PRDM16: variants seen among roughly 807,000 people sequenced by gnomAD.
The protein encoded by PRDM16 is histone-lysine N-methyltransferase PRDM16.
A neutral mutation model predicts 110.6 loss-of-function variants in PRDM16; 23 were observed. That is an observed-to-expected ratio of 0.21 (90% CI 0.15 to 0.29). The LOEUF is 0.29. Among genes scored for constraint, PRDM16 ranks in the 10% least tolerant of loss-of-function variants. The probability of loss-of-function intolerance (pLI) is 1.00; values close to 1 mark genes in which losing one functional copy is unlikely to be tolerated. For synonymous variants in PRDM16, 799 were observed against 781.8 expected, an observed-to-expected ratio of 1.02 and a Z score of -0.37; for missense variants, 1,615 against 1,794.3, an observed-to-expected ratio of 0.90 and a Z score of 1.81.
intron 1 of PRDM16, chr1:3,128,167 G>C (rs1412633871): frequency 1.3e-5 from 2 of 154,448 alleles, no homozygotes. Flanking sequence ...ACTAGATCTG[G>C]GTCTGGTTCC....
chr1:3,103,142 C>T (rs1642570834), intron 1 of PRDM16, among the ~76,000 whole-genome samples: 1 of 152,214 alleles, frequency 6.6e-6, no homozygotes, highest in African/African-American at 2.4e-5. Flanking sequence ...CTCCGACCAC[C>T]ACGCCTGTCC....
intron 1 of PRDM16, among the ~76,000 whole-genome samples, chr1:3,161,910 TGATTGGGTTTGGAGTCGCTTCCTGG>T (rs1210412254): frequency 2.0e-5 from 3 of 152,178 alleles, no homozygotes; most frequent in Non-Finnish European, 2.9e-5. Flanking sequence ...ACAGTGGAGA[TGATTGGGTTTGGAGTCGCTTCCTGG>T]GCAGAGCTGC....
chr1:3,260,346 C>T (rs1163791827), intron 3 of PRDM16, among the ~76,000 whole-genome samples: 1 of 152,214 alleles, frequency 6.6e-6, no homozygotes, highest in Non-Finnish European at 1.5e-5. Flanking sequence ...TGTCCACAAG[C>T]ACTTTCTGTG....
intron 3 of PRDM16, among the ~76,000 whole-genome samples, chr1:3,295,892 CTG>C (rs1021702120): frequency 6.6e-6 from 1 of 152,148 alleles, no homozygotes; most frequent in African/African-American, 2.4e-5. Context: ...ACTGGGGTAA[CTG>C]GGGCGTGACA....
intron 1 of PRDM16, among the ~76,000 whole-genome samples, chr1:3,079,806 C>T (rs1031010314): frequency 2.6e-5 from 4 of 152,168 alleles, no homozygotes; most frequent in Admixed American, 6.5e-5. Flanking sequence ...AACACACACA[C>T]CTGCAGGCAA....
chr1:3,376,662 G>A (rs1339424005), intron 3 of PRDM16, among the ~76,000 whole-genome samples: 1 of 152,108 alleles, frequency 6.6e-6, no homozygotes, highest in Non-Finnish European at 1.5e-5. Flanking sequence ...CCATCTTGGA[G>A]GAATGGCTGC....
rs573466952 is a variant in PRDM16, at chr1:3,076,961, C to T, written c.37+7665C>T. ...GCACACATCTCGGGGTATGAAGCCCCTTCTTGCTTCTCAGAGGGGCTGGTC... is the reference window on the plus strand; with the variant it reads ...GCACACATCTCGGGGTATGAAGCCCTTTCTTGCTTCTCAGAGGGGCTGGTC... On this transcript the variant is annotated intron_variant, in intron 1 of 16. Coordinates refer to ENST00000270722, the MANE Select transcript of PRDM16 (RefSeq NM_022114.4). Among the ~76,000 whole-genome samples, 16 of 152,288 alleles carry T rather than the reference C, an allele frequency of 1.1e-4. No homozygotes were observed. In the South Asian group the frequency reaches 2.7e-3, roughly 26 times the overall value.
At chr1:3,088,998 G>A (rs1030512613) in intron 1 of PRDM16, among the ~76,000 whole-genome samples, 1 of 151,056 alleles carries the variant, frequency 6.6e-6, no homozygotes, top group Non-Finnish European at 1.5e-5. Context: ...GGCCAGGCTG[G>A]TCTTGAACTT....
chr1:3,308,170 A>AG (rs1641355522), intron 3 of PRDM16: 1 of 152,150 alleles, frequency 6.6e-6, no homozygotes, highest in Non-Finnish European at 1.5e-5. Flanking sequence ...ACCTCTCTCA[A>AG]GGGGAAATCA....
intron 2 of PRDM16, among the ~76,000 whole-genome samples, chr1:3,215,263 C>T (rs547069328): frequency 1.3e-5 from 2 of 149,904 alleles, no homozygotes; most frequent in South Asian, 2.1e-4. Context: ...GAGCGGAACC[C>T]GACCTCTGTG....
intron 4 of PRDM16, among the ~76,000 whole-genome samples, chr1:3,394,049 C>G (rs1216455790): frequency 6.6e-6 from 1 of 152,092 alleles, no homozygotes. Flanking sequence ...GGGAGGGTCC[C>G]CCGGCAAGTC....
At position 3,131,441 on chromosome 1, in the gene PRDM16, C is replaced by T. The variant is rs142753367; in HGVS notation, c.38-54684C>T. 4.1e-4 allele frequency among the ~76,000 whole-genome samples: 62 copies of T among 152,214 alleles called. 1 individual carries two copies. In the East Asian group the frequency reaches 6.9e-3, roughly 17 times the overall value. ...TCAAGGTTCCTATCAAAATGGCTTTCGCTCACATTTTGTAGTTCCATTCAC... is the reference window on the plus strand; with the variant it reads ...TCAAGGTTCCTATCAAAATGGCTTTTGCTCACATTTTGTAGTTCCATTCAC... On this transcript the variant is annotated intron_variant, in intron 1 of 16. Coordinates refer to ENST00000270722, the MANE Select transcript of PRDM16 (RefSeq NM_022114.4).
intron 1 of PRDM16, among the ~76,000 whole-genome samples, chr1:3,181,081 CACACGGCCTTACACACGCAGTCTT>C (rs1474579676): frequency 1.6e-4 from 23 of 147,858 alleles, no homozygotes; most frequent in South Asian, 2.1e-4. Context: ...CCCGGTCTTA[CACACGGCCTTACACACGCAGTCTT>C]ACACGCGGCC....
Position 3,186,280 on chromosome 1 carries a change from G to A in PRDM16, c.193G>A (p.Gly65Ser), listed in dbSNP as rs1390492668. 31 of 1,611,726 alleles carry A rather than the reference G, an allele frequency of 1.9e-5. No homozygotes were observed. The highest frequency in any genetic ancestry group is 2.6e-5 in the Non-Finnish European group (31 of 1,179,350). Residue 65 changes from glycine (G) to serine (S), a missense_variant, in exon 2 of 17, where the codon GGC (glycine) becomes AGC (serine). Around this residue, in one of 5 missense-constraint regions of PRDM16, gnomAD observed 416 missense variants for 467.1 expected, o/e 0.89. Transcript: ENST00000270722. ...CAGCGAGGACTTCACCCCCAAGGAGGGCTCGCCGTACGAGGCCCCTGTCTA... is the reference window on the plus strand; with the variant it reads ...CAGCGAGGACTTCACCCCCAAGGAGAGCTCGCCGTACGAGGCCCCTGTCTA... ...PTSEDFTPKEGSPYEAPVYIP... is the reference protein window; with the variant it reads ...PTSEDFTPKESSPYEAPVYIP...
At chr1:3,375,999 G>T (rs1461715722) in intron 3 of PRDM16, among the ~76,000 whole-genome samples, 2 of 152,170 alleles carry the variant, frequency 1.3e-5, no homozygotes, top group African/African-American at 2.4e-5. Flanking sequence ...AGGGCTGTGC[G>T]CTCCCTCAGA....
At position 3,290,393 on chromosome 1, in the gene PRDM16, G is replaced by A. The variant is rs1640946365; in HGVS notation, c.438+46256G>A. Among the ~76,000 whole-genome samples, 1 of 152,208 alleles carries A rather than the reference G, an allele frequency of 6.6e-6. No homozygotes were observed. The highest frequency in any genetic ancestry group is 2.1e-4 in the South Asian group (1 of 4,826). Reference sequence around the variant, plus strand: ...CACCTTATAGATGAGGAGGCACAGAGAGGGGGAAATTTGCCGGTTCCCCAA... The same window carrying A: ...CACCTTATAGATGAGGAGGCACAGAAAGGGGGAAATTTGCCGGTTCCCCAA... On this transcript the variant is annotated intron_variant, in intron 3 of 16. Coordinates refer to ENST00000270722, the MANE Select transcript of PRDM16 (RefSeq NM_022114.4). The surrounding 1 kb of genome is among the most constrained non-coding windows in gnomAD (Gnocchi z 4.8).
At position 3,174,592 on chromosome 1, in the gene PRDM16, C is replaced by T. The variant is rs556127739; in HGVS notation, c.38-11533C>T. On this transcript the variant is annotated intron_variant, in intron 1 of 16. Coordinates refer to ENST00000270722, the MANE Select transcript of PRDM16 (RefSeq NM_022114.4). ...ACTGTGGACTGTCCCTGCCTCCCTC[C>T]GTGTCTGCGACAAAGGCGAGTGTGT... 4.3e-4 allele frequency among the ~76,000 whole-genome samples: 66 copies of T among 152,290 alleles called. No individual in the cohort carries two copies. In the Middle Eastern group the frequency reaches 0.01, roughly 24 times the overall value.
chr1:3,292,468 G>T, intron 3 of PRDM16, among the ~76,000 whole-genome samples: 1 of 152,340 alleles, frequency 6.6e-6, no homozygotes, highest in Middle Eastern at 3.4e-3. Flanking sequence ...GTCGCTCTCC[G>T]CCTGGCTGCG....
chr1:3,116,563 G>C (rs1642964890), intron 1 of PRDM16, among the ~76,000 whole-genome samples: 1 of 152,166 alleles, frequency 6.6e-6, no homozygotes, highest in Non-Finnish European at 1.5e-5. Flanking sequence ...GCAGTGCCTG[G>C]TCTGCTCAGC....
Sources: allele counts gnomAD v4.1 joint callset (sites outside exome capture counted in the v4.1 genomes callset), GRCh38; gene constraint gnomAD v4.1.1; regional missense constraint gnomAD v4.1.1; non-coding constraint Gnocchi (gnomAD v3.1); transcripts MANE v1.5; gene names NCBI Gene and HGNC (gene_info 2026-07-23, HGNC 2026-07-21).